Variants in ADGRA3 observed in about 807,000 individuals in gnomAD.
The protein encoded by ADGRA3 is adhesion G protein-coupled receptor A3.
A neutral mutation model predicts 119.8 loss-of-function variants in ADGRA3; 56 were observed. The observed-to-expected ratio is 0.47, with a 90% CI of 0.38 to 0.58. The LOEUF is 0.58. ADGRA3 is among the 20% of genes least tolerant of loss of function. ADGRA3 has a pLI of 0.00. For missense variants in ADGRA3, 1,516 were observed against 1,649.0 expected, an observed-to-expected ratio of 0.92 and a Z score of 1.40; for synonymous variants, 607 against 623.8, an observed-to-expected ratio of 0.97 and a Z score of 0.40.
chr4:22,505,730 G>A (rs1316346108), intron 1 of ADGRA3, among the ~76,000 whole-genome samples: 1 of 151,966 alleles, frequency 6.6e-6, no homozygotes, highest in East Asian at 1.9e-4. Flanking sequence ...GGAAGATGCA[G>A]ATTAAATCAC....
At position 22,388,433 on chromosome 4, in the gene ADGRA3, T is replaced by C. The variant is rs1336114054; in HGVS notation, c.3238A>G (p.Asn1080Asp). 1.2e-6 allele frequency: 2 copies of C among 1,614,064 alleles called. No individual in the cohort carries two copies. Among genetic ancestry groups the C allele is most frequent in the Admixed American group, 3.3e-5 (2 of 60,008 alleles). The change falls in exon 19 of 19, where the codon AAT becomes GAT. Residue 1080 changes from asparagine (N) to aspartate (D), a missense_variant. Physicochemically the swap from Asn to Asp is conservative, Grantham distance 23 (BLOSUM62 1). Around this residue, in one of 2 missense-constraint regions of ADGRA3, gnomAD observed 1,088 missense variants for 1,107.1 expected, o/e 0.98. Transcript: ENST00000334304. ...TTGGGTGCCTCTCCATTCGTCCCATTAGAGTTGGGGGGCTGGACGTTGACT... is the reference window on the plus strand; with the variant it reads ...TTGGGTGCCTCTCCATTCGTCCCATCAGAGTTGGGGGGCTGGACGTTGACT... Reference protein sequence around the residue: ...VQVNVQPPNSNGTNGEAPKCP... With the variant: ...VQVNVQPPNSDGTNGEAPKCP...
At chr4:22,510,573 T>C (rs1302734461) in intron 1 of ADGRA3, among the ~76,000 whole-genome samples, 1 of 152,026 alleles carries the variant, frequency 6.6e-6, no homozygotes, top group African/African-American at 2.4e-5. Flanking sequence ...AGGCCTGTGT[T>C]TGAAATACCA....
intron 1 of ADGRA3, 38 bp downstream of exon 1, chr4:22,515,490 C>G (rs1448887253): frequency 6.3e-7 from 1 of 1,584,742 alleles, no homozygotes; most frequent in South Asian, 1.1e-5. Context: ...AAGAAAGAGC[C>G]GAGCGGGAGA....
rs551019617 is a variant in ADGRA3 at position 22,387,407 on chromosome 4, A to T, written c.*298T>A. The T allele has an allele frequency of 2.3e-4, 64 of 275,598 alleles. No individual in the cohort carries two copies. The highest frequency in any genetic ancestry group is 1.2e-3 in the African/African-American group (54 of 45,612). The allele number at this position is 275,598 out of a possible 1,614,324, so 17.1% of individuals were successfully genotyped here. A position where few individuals can be genotyped will look rare whatever the true frequency, so the allele number is the denominator to read the frequency against. On this transcript the variant is annotated 3_prime_UTR_variant, in exon 19 of 19. Coordinates refer to ENST00000334304, the MANE Select transcript of ADGRA3 (RefSeq NM_145290.4). ...ATAACAAACACCTATTTATTATATT[A>T]AATACAAGCCTGAAATATTAAGTAC...
chr4:22,398,172 A>G (rs1714447873), intron 16 of ADGRA3: 1 of 955,756 alleles, frequency 1.0e-6, no homozygotes, highest in Non-Finnish European at 1.2e-6. Context: ...GATGAGAGGT[A>G]ATTTCATCAA....
chr4:22,508,219 T>A (rs957286734), intron 1 of ADGRA3, among the ~76,000 whole-genome samples: 1 of 152,102 alleles, frequency 6.6e-6, no homozygotes, highest in Non-Finnish European at 1.5e-5. Context: ...GATGGAAGGA[T>A]CAAAATGCCA....
chr4:22,401,960 A>T (rs1442467588), intron 15 of ADGRA3, among the ~76,000 whole-genome samples: 3 of 152,174 alleles, frequency 2.0e-5, no homozygotes, highest in African/African-American at 7.2e-5. Context: ...GCGCAGGTCT[A>T]AACACTCAAT....
intron 1 of ADGRA3, among the ~76,000 whole-genome samples, chr4:22,488,628 G>A (rs924180378): frequency 2.0e-5 from 3 of 152,192 alleles, no homozygotes; most frequent in African/African-American, 7.2e-5. Context: ...GAAAACGTGG[G>A]AACAATCCAG....
At chr4:22,502,395 G>T (rs1037269277) in intron 1 of ADGRA3, among the ~76,000 whole-genome samples, 2 of 152,166 alleles carry the variant, frequency 1.3e-5, no homozygotes, top group African/African-American at 2.4e-5. Context: ...TGGAATGCTG[G>T]AAATGATGAC....
intron 10 of ADGRA3, among the ~76,000 whole-genome samples, chr4:22,428,953 A>G (rs180694509): frequency 2.0e-5 from 3 of 152,286 alleles, no homozygotes; most frequent in East Asian, 3.9e-4. Context: ...CAGTGGAGGA[A>G]CTGAAGAAAT....
chr4:22,425,027 A>G (rs2109042854), intron 10 of ADGRA3, among the ~76,000 whole-genome samples: 1 of 151,694 alleles, frequency 6.6e-6, no homozygotes, highest in Middle Eastern at 3.4e-3. Context: ...GTGAGCCGAG[A>G]TCGTGCCACT....
intron 2 of ADGRA3, among the ~76,000 whole-genome samples, chr4:22,469,645 G>A (rs1717786768): frequency 6.6e-6 from 1 of 152,224 alleles, no homozygotes; most frequent in Admixed American, 6.5e-5. Flanking sequence ...ATTCAGTGTG[G>A]CACAGGATAC....
intron 1 of ADGRA3, among the ~76,000 whole-genome samples, chr4:22,479,466 T>TA (rs60684476): frequency 0.24 from 26,497 of 111,644 alleles, 2,559 homozygotes; most frequent in East Asian, 0.39. Flanking sequence ...CTGTCTCAAA[T>TA]AAAAAAAAAA....
chr4:22,472,446 A>C (rs750609468), intron 2 of ADGRA3, among the ~76,000 whole-genome samples: 16 of 152,200 alleles, frequency 1.1e-4, no homozygotes, highest in Admixed American at 2.0e-4. Flanking sequence ...CATACACTAA[A>C]GCACATGGAC....
At chr4:22,411,329 T>C (rs1170369468) in intron 14 of ADGRA3, among the ~76,000 whole-genome samples, 3 of 152,248 alleles carry the variant, frequency 2.0e-5, no homozygotes, top group African/African-American at 4.8e-5. Flanking sequence ...AAGGTGGCAG[T>C]GGCTCATGCC....
At chr4:22,436,833 A>C (rs1376235234) in intron 8 of ADGRA3, among the ~76,000 whole-genome samples, 192 bp from the exon 9 acceptor site, 1 of 152,220 alleles carries the variant, frequency 6.6e-6, no homozygotes, top group Non-Finnish European at 1.5e-5. Flanking sequence ...AATGAAATTC[A>C]ACATGTTTAA....
chr4:22,506,106 C>G (rs1031323737), intron 1 of ADGRA3, among the ~76,000 whole-genome samples: 51 of 151,922 alleles, frequency 3.4e-4, no homozygotes, highest in African/African-American at 1.2e-3. Flanking sequence ...CCCCTGCAGA[C>G]AAAAAAGAAC....
chr4:22,411,096 G>T (rs1440418020), intron 14 of ADGRA3, among the ~76,000 whole-genome samples: 1 of 152,202 alleles, frequency 6.6e-6, no homozygotes, highest in Non-Finnish European at 1.5e-5. Flanking sequence ...TTCACATGGT[G>T]CAATATCACA....
chr4:22,442,873 A>G lies in ADGRA3; in HGVS notation c.707-10T>C, dbSNP rs759746954. ...AATTCAAGCGGAGGGTCTAGAGACA[A>G]TCAAACAAAGATTCAGTAAACAAAT... On this transcript the variant is annotated splice_polypyrimidine_tract_variant and intron_variant, in intron 6 of 18. Coordinates refer to ENST00000334304, the MANE Select transcript of ADGRA3 (RefSeq NM_145290.4). 1 of 1,588,506 alleles carries G rather than the reference A, an allele frequency of 6.3e-7. No homozygotes were observed. Among genetic ancestry groups the G allele is most frequent in the Admixed American group, 1.7e-5 (1 of 59,184 alleles).
Sources: gnomAD v4.1 joint callset for allele counts (sites outside exome capture counted in the v4.1 genomes callset) on GRCh38, gnomAD v4.1.1 for gene constraint, gnomAD v4.1.1 regional missense constraint, MANE v1.5 for transcripts, NCBI Gene and HGNC (gene_info 2026-07-23, HGNC 2026-07-21) for gene names.